OR4K14: variants seen among roughly 807,000 people sequenced by gnomAD.
OR4K14 encodes olfactory receptor family 4 subfamily K member 14, also known as olfactory receptor 4K14.
For synonymous variants in OR4K14, 153 were observed against 141.5 expected (o/e 1.08, Z -0.58); for missense variants, 406 against 373.6 (o/e 1.09, Z -0.72).
chr14:20,014,982 T>C lies in OR4K14; in HGVS notation c.212A>G (p.Asp71Gly), dbSNP rs1394493009. The C allele has an allele frequency of 6.2e-7, 1 of 1,613,888 alleles. No homozygotes were observed. Among genetic ancestry groups the C allele is most frequent in the Non-Finnish European group, 8.5e-7 (1 of 1,179,962 alleles). Residue 71 changes from aspartate to glycine, a missense_variant, in exon 2 of 2, where the codon GAC (aspartate) becomes GGC (glycine). By Grantham distance (94) the Asp-to-Gly change is moderately conservative (BLOSUM62 -1). Coordinates refer to ENST00000641793, the MANE Select transcript of OR4K14 (RefSeq NM_001004712.2). ...AGTGGCAAATGAGGCCAGCCACATG[T>C]CCAGGAAAGCTAGGTTCCCCAGCAG... ...YFLLGNLAFL[D>G]MWLASFATPK... is the part of the protein sequence containing the mutation.
At chr14:20,018,982 T>A (rs1877153710) in intron 1 of OR4K14, among the ~76,000 whole-genome samples, 161 bp downstream of exon 1, 1 of 151,994 alleles carries the variant, frequency 6.6e-6, no homozygotes, top group African/African-American at 2.4e-5. Flanking sequence ...TGTTTTTAAA[T>A]TAAAATATAA....
Position 20,014,882 on chromosome 14 carries a change from G to C in OR4K14, c.312C>G (p.Phe104Leu). 6.2e-7 allele frequency: 1 copy of C among 1,614,088 alleles called. No individual in the cohort carries two copies. The highest frequency in any genetic ancestry group is 8.5e-7 in the Non-Finnish European group (1 of 1,179,980). ...TCTCAGCCCCACCAGTAAAGTGCAA[G>C]AAGAAGATTTGAGCCATACATCCTC... ...SFGGCMAQIF[F>L]LHFTGGAEMV... The change falls in exon 2 of 2, where the codon TTC (phenylalanine) becomes TTG (leucine). Residue 104 changes from phenylalanine to leucine, a missense_variant. By Grantham distance (22) the Phe-to-Leu change is conservative (BLOSUM62 0). Transcript: ENST00000641793.
In OR4K14 at chr14:20,014,568, A is replaced by G. The variant is rs1877049199; in HGVS notation, c.626T>C (p.Leu209Ser). The G allele has an allele frequency of 6.2e-7, 1 of 1,614,052 alleles. No homozygotes were observed. Among genetic ancestry groups the G allele is most frequent in the East Asian group, 2.2e-5 (1 of 44,876 alleles). ...GATCAGGAGGAGCAGAAAACAGCTC[A>G]AGGAAAGCAACCCACTGTCTGAGAT... The part of the protein sequence containing the change: ...IMISDSGLLS[L>S]SCFLLLLISY... Residue 209 changes from leucine (L) to serine (S), a missense_variant, in exon 2 of 2, where the codon TTG (leucine) becomes TCG (serine). By Grantham distance (145) the Leu-to-Ser change is moderately radical (BLOSUM62 -2). Transcript: ENST00000641793.
chr14:20,018,436 A>G (rs866804826), intron 1 of OR4K14, among the ~76,000 whole-genome samples: 2 of 152,022 alleles, frequency 1.3e-5, no homozygotes, highest in Non-Finnish European at 2.9e-5. Flanking sequence ...AAGGGACATA[A>G]TCACAAAGCA....
rs763395076 is a variant in OR4K14 at position 20,014,234 on chromosome 14, A to C, written c.*27T>G. The C allele has an allele frequency of 4.9e-5, 68 of 1,399,764 alleles. No homozygotes were observed. Among genetic ancestry groups the C allele is most frequent in the Non-Finnish European group, 6.6e-5 (68 of 1,027,026 alleles). The allele number at this position is 1,399,764 out of a possible 1,614,324, so 86.7% of individuals were successfully genotyped here. On this transcript the variant is annotated 3_prime_UTR_variant, in exon 2 of 2. Transcript: ENST00000641793. Reference sequence around the variant, plus strand: ...AATTATATCTGCTGAATGAATAGAAACATCTAACACTATGGAAGGCTGGAT... The same window carrying C: ...AATTATATCTGCTGAATGAATAGAACCATCTAACACTATGGAAGGCTGGAT...
In OR4K14 at chr14:20,015,084, G is replaced by GAA. The variant is rs1877068284; in HGVS notation, c.109_110insTT (p.Ala37ValfsTer14). The stretch of plus-strand genomic sequence containing the variant: ...AATGAGAAGGTTACCCAGCATAATG[G>GAA]CCACATAGACCCCAAAGAAAAATAT... On this transcript the variant is annotated frameshift_variant, in exon 2 of 2. Coordinates refer to ENST00000641793, the MANE Select transcript of OR4K14 (RefSeq NM_001004712.2). LOFTEE classifies it low-confidence loss of function (END_TRUNC). The GAA allele has an allele frequency of 6.2e-7, 1 of 1,613,498 alleles. No individual in the cohort carries two copies. The highest frequency in any genetic ancestry group is 1.7e-5 in the Admixed American group (1 of 59,984).
rs953161568 is a variant in OR4K14, at chr14:20,015,614, T to C, written c.-29-392A>G. Among the ~76,000 whole-genome samples the C allele has an allele frequency of 3.9e-5, 6 of 152,086 alleles. No individual in the cohort carries two copies. The South Asian group carries it at 1.2e-3, about 32-fold the overall frequency. On this transcript the variant is annotated intron_variant, in intron 1 of 1. Transcript: ENST00000641793. ...TGTTTACATATATGAAAACATCATG[T>C]TGTACATTATAAACATATATAATTT...
intron 1 of OR4K14, among the ~76,000 whole-genome samples, chr14:20,016,189 A>G: frequency 1.7e-5 from 1 of 57,912 alleles, no homozygotes; most frequent in Non-Finnish European, 4.4e-5. Flanking sequence ...CCATTTACAC[A>G]CACAAACACA....
chr14:20,017,162 A>G (rs901057719), intron 1 of OR4K14, among the ~76,000 whole-genome samples: 1 of 151,942 alleles, frequency 6.6e-6, no homozygotes. Flanking sequence ...TATTTAGTCA[A>G]TCATTTTTTA....
chr14:20,015,912 T>G (rs1877088158), intron 1 of OR4K14, among the ~76,000 whole-genome samples: 3 of 151,608 alleles, frequency 2.0e-5, no homozygotes, highest in Non-Finnish European at 4.4e-5. Flanking sequence ...TTTTTTTCCT[T>G]CTTTCCATGG....
chr14:20,015,267 G>C, intron 1 of OR4K14, 45 bp from the exon 2 acceptor site: 1 of 862,040 alleles, frequency 1.2e-6, no homozygotes, highest in Non-Finnish European at 1.8e-6. Context: ...ACACCTCAAG[G>C]ACATTGTATT....
chr14:20,015,879 A>G (rs980659161), intron 1 of OR4K14, among the ~76,000 whole-genome samples: 27 of 151,746 alleles, frequency 1.8e-4, no homozygotes, highest in African/African-American at 4.6e-4. Context: ...AGACTTCTGC[A>G]TAGGTGAGAG....
intron 1 of OR4K14, 38 bp from the exon 2 acceptor site, chr14:20,015,260 C>T (rs953583610): frequency 3.2e-6 from 3 of 927,956 alleles, no homozygotes; most frequent in Non-Finnish European, 4.9e-6. Context: ...TGCAGCAACA[C>T]CTCAAGGACA....
chr14:20,018,457 G>C (rs1877142899), intron 1 of OR4K14, among the ~76,000 whole-genome samples: 1 of 151,936 alleles, frequency 6.6e-6, no homozygotes, highest in Non-Finnish European at 1.5e-5. Context: ...ATAATTCTTA[G>C]GAAGTTTAGT....
chr14:20,015,059 A>C lies in OR4K14; in HGVS notation c.135T>G (p.Ile45Met), dbSNP rs1391634918. 2 of 1,613,956 alleles carry C rather than the reference A, an allele frequency of 1.2e-6. No individual in the cohort carries two copies. Among genetic ancestry groups the C allele is most frequent in the African/African-American group, 2.7e-5 (2 of 74,908 alleles). ...YVAIMLGNLLILVTVISDPCL... is the reference protein window; with the variant it reads ...YVAIMLGNLLMLVTVISDPCL... ...AGGGATCAGAAATTACAGTGACCAA[A>C]ATGAGAAGGTTACCCAGCATAATGG... is the stretch of plus-strand genomic sequence containing the variant. Residue 45 changes from isoleucine (I) to methionine (M), a missense_variant, in exon 2 of 2, where the codon ATT (isoleucine) becomes ATG (methionine). Physicochemically the swap from Ile to Met is conservative, Grantham distance 10. Transcript: ENST00000641793.
chr14:20,018,220 A>G (rs1877137574), intron 1 of OR4K14, among the ~76,000 whole-genome samples: 1 of 152,054 alleles, frequency 6.6e-6, no homozygotes, highest in Admixed American at 6.6e-5. Context: ...AATAATTACC[A>G]TATCTTCTTT....
In OR4K14 at chr14:20,014,746, A is replaced by G. The variant is rs768553546; in HGVS notation, c.448T>C (p.Trp150Arg). The change falls in exon 2 of 2, where the codon TGG (tryptophan) becomes CGG (arginine). Residue 150 changes from tryptophan (W) to arginine (R), a missense_variant. Coordinates refer to ENST00000641793, the MANE Select transcript of OR4K14 (RefSeq NM_001004712.2). ...ATGGAGTGCACAAATCCAACGACCC[A>G]TGAAGCCAGCACCAGCCTGATGCAA... is the stretch of plus-strand genomic sequence containing the variant. The part of the protein sequence containing the change: ...QTCIRLVLAS[W>R]VVGFVHSISQ... 1 of 1,614,162 alleles carries G rather than the reference A, an allele frequency of 6.2e-7. No individual in the cohort carries two copies. Among genetic ancestry groups the G allele is most frequent in the Non-Finnish European group, 8.5e-7 (1 of 1,180,002 alleles).
In OR4K14 at chr14:20,014,463, T is replaced by G; in HGVS notation, c.731A>C (p.His244Pro). 1 of 1,614,070 alleles carries G rather than the reference T, an allele frequency of 6.2e-7. No homozygotes were observed. Residue 244 changes from histidine to proline, a missense_variant, in exon 2 of 2, where the codon CAT becomes CCT. Coordinates refer to ENST00000641793, the MANE Select transcript of OR4K14 (RefSeq NM_001004712.2). Reference protein sequence around the residue: ...TSKALSTCSAHIMVVTLFFGP... With the variant: ...TSKALSTCSAPIMVVTLFFGP... ...AAAGAACAGCGTCACTACCATGATA[T>G]GTGCAGAGCAAGTGGAGAGTGCTTT...
Position 20,014,200 on chromosome 14 carries a change from T to C in OR4K14, c.*61A>G. ...AGAATGAAATCTTTGAGCAGAATTA[T>C]ATTAAAGAAATTATATCTGCTGAAT... On this transcript the variant is annotated 3_prime_UTR_variant, in exon 2 of 2. Coordinates refer to ENST00000641793, the MANE Select transcript of OR4K14 (RefSeq NM_001004712.2). The C allele has an allele frequency of 9.4e-7, 1 of 1,058,392 alleles. No individual in the cohort carries two copies. Among genetic ancestry groups the C allele is most frequent in the Non-Finnish European group, 1.4e-6 (1 of 725,612 alleles). The allele number at this position is 1,058,392 out of a possible 1,614,324, so 65.6% of individuals were successfully genotyped here.
Sources: gnomAD v4.1 joint callset for allele counts (sites outside exome capture counted in the v4.1 genomes callset) on GRCh38, gnomAD v4.1.1 for gene constraint, MANE v1.5 for transcripts, NCBI Gene and HGNC (gene_info 2026-07-23, HGNC 2026-07-21) for gene names.